FGGY: variants seen among roughly 807,000 people sequenced by gnomAD.
FGGY encodes FGGY carbohydrate kinase domain-containing protein.
FGGY carries 72 observed loss-of-function variants against 71.3 expected under a neutral mutation model. That is an observed-to-expected ratio of 1.01 (90% CI 0.84 to 1.23). The LOEUF is 1.23. Ranked by LOEUF, FGGY falls within the 50% of genes most tolerant of loss-of-function variation. FGGY has a pLI of 0.00. For synonymous variants in FGGY, 251 were observed against 250.3 expected (o/e 1.00, Z -0.02); for missense variants, 668 against 682.3 (o/e 0.98, Z 0.23).
intron 1 of FGGY, among the ~76,000 whole-genome samples, chr1:59,308,545 A>T (rs2043782615): frequency 6.6e-6 from 1 of 152,178 alleles, no homozygotes; most frequent in Admixed American, 6.5e-5. Context: ...AGGTCTTTAT[A>T]CAATACAGTG....
chr1:59,409,940 C>A (rs1480452931), intron 5 of FGGY, among the ~76,000 whole-genome samples: 1 of 152,094 alleles, frequency 6.6e-6, no homozygotes, highest in Non-Finnish European at 1.5e-5. Flanking sequence ...GAAATCCCTG[C>A]AATACAGAGG....
chr1:59,531,703 G>A (rs1028665605), intron 7 of FGGY, among the ~76,000 whole-genome samples: 3 of 152,206 alleles, frequency 2.0e-5, no homozygotes, highest in African/African-American at 7.2e-5. Context: ...GCAGTCTGCA[G>A]GCTGGAAGTA....
chr1:59,342,466 T>C (rs183400344), intron 3 of FGGY, among the ~76,000 whole-genome samples: 16 of 152,306 alleles, frequency 1.1e-4, no homozygotes, highest in East Asian at 1.9e-4. Flanking sequence ...AGGTTATCAC[T>C]CTAATTATAA....
Position 59,746,445 on chromosome 1 carries a change from T to C in FGGY, c.1513-11486T>C, listed in dbSNP as rs1573976358. Among the ~76,000 whole-genome samples the C allele has an allele frequency of 2.0e-5, 3 of 152,320 alleles. No homozygotes were observed. The South Asian group carries it at 6.2e-4, about 32-fold the overall frequency. ...ATAGTAATAATAACAATATCTGCAC[T>C]TTTAAGCATTTAGTCCATCCAATAG... On this transcript the variant is annotated intron_variant, in intron 14 of 15. Coordinates refer to ENST00000303721, the MANE Select transcript of FGGY (RefSeq NM_018291.5).
chr1:59,385,161 A>G (rs2059931588), intron 5 of FGGY, among the ~76,000 whole-genome samples: 1 of 151,136 alleles, frequency 6.6e-6, no homozygotes, highest in Non-Finnish European at 1.5e-5. Context: ...TTCCTTCTCC[A>G]TTTTCCTCTC....
chr1:59,442,416 G>T (rs2070151934), intron 5 of FGGY, among the ~76,000 whole-genome samples: 1 of 151,896 alleles, frequency 6.6e-6, no homozygotes, highest in Non-Finnish European at 1.5e-5. Flanking sequence ...TTTCCTGTTT[G>T]TTTGTTTTTG....
At chr1:59,496,186 A>G (rs1381335609) in intron 6 of FGGY, among the ~76,000 whole-genome samples, 2 of 152,168 alleles carry the variant, frequency 1.3e-5, no homozygotes, top group African/African-American at 4.8e-5. Context: ...TTCTCGTTGT[A>G]GAGATCTTTC....
At chr1:59,324,007 G>A (rs1419241373) in intron 2 of FGGY, among the ~76,000 whole-genome samples, 1 of 152,118 alleles carries the variant, frequency 6.6e-6, no homozygotes, top group Non-Finnish European at 1.5e-5. Context: ...GGCAAAGGGT[G>A]GCATCAGATA....
At chr1:59,374,919 G>C (rs1179887409) in intron 4 of FGGY, among the ~76,000 whole-genome samples, 4 of 109,326 alleles carry the variant, frequency 3.7e-5, no homozygotes, top group Admixed American at 1.0e-4. Context: ...GGGGTGGGGG[G>C]AGGGGGGAGG....
At chr1:59,722,712 C>T (rs2097907587) in intron 14 of FGGY, among the ~76,000 whole-genome samples, 1 of 152,198 alleles carries the variant, frequency 6.6e-6, no homozygotes, top group African/African-American at 2.4e-5. Flanking sequence ...TCTGGCACTA[C>T]AAGGCACTTT....
chr1:59,329,428 C>T (rs958026468), intron 2 of FGGY, among the ~76,000 whole-genome samples: 15 of 152,092 alleles, frequency 9.9e-5, no homozygotes, highest in African/African-American at 2.9e-4. Flanking sequence ...TTGCCACAGA[C>T]GTTCAATTTG....
intron 8 of FGGY, among the ~76,000 whole-genome samples, chr1:59,555,162 C>T (rs1002624036): frequency 6.6e-6 from 1 of 152,198 alleles, no homozygotes; most frequent in African/African-American, 2.4e-5. Context: ...ATAAGAATGA[C>T]ATCGGCTCAG....
intron 8 of FGGY, among the ~76,000 whole-genome samples, chr1:59,596,646 G>A (rs2096527738): frequency 6.6e-6 from 1 of 152,144 alleles, no homozygotes; most frequent in South Asian, 2.1e-4. Context: ...GGAAGAATGT[G>A]TGTGAAACTG....
At chr1:59,588,024 G>A (rs1205168220) in intron 8 of FGGY, among the ~76,000 whole-genome samples, 2 of 152,066 alleles carry the variant, frequency 1.3e-5, no homozygotes, top group African/African-American at 2.4e-5. Context: ...CAAACCAAAG[G>A]CAAAGAAGTT....
At chr1:59,458,339 T>C (rs2091907240) in intron 6 of FGGY, among the ~76,000 whole-genome samples, 1 of 152,220 alleles carries the variant, frequency 6.6e-6, no homozygotes, top group Non-Finnish European at 1.5e-5. Context: ...TTTCCTGTCC[T>C]AGCACAAGGC....
chr1:59,522,716 C>T (rs1398319049), intron 7 of FGGY, among the ~76,000 whole-genome samples: 1 of 152,150 alleles, frequency 6.6e-6, no homozygotes, highest in Admixed American at 6.5e-5. Context: ...TTTTACCTCC[C>T]ACGAATGGTT....
chr1:59,558,250 C>G (rs2095723786), intron 8 of FGGY, among the ~76,000 whole-genome samples: 1 of 152,188 alleles, frequency 6.6e-6, no homozygotes. Context: ...ATCACATGAA[C>G]AATCCATGTG....
chr1:59,296,840 G>T (rs1258195250), upstream of FGGY: 2 of 152,426 alleles, frequency 1.3e-5, no homozygotes, highest in African/African-American at 2.4e-5. Context: ...CTCAGGCGCC[G>T]TGGGGTTCGG....
chr1:59,514,227 C>G (rs2094584857), intron 7 of FGGY, among the ~76,000 whole-genome samples: 1 of 152,168 alleles, frequency 6.6e-6, no homozygotes, highest in Non-Finnish European at 1.5e-5. Context: ...TTTAAATTAT[C>G]CCTGGGGTGA....
Sources: allele counts gnomAD v4.1 joint callset (sites outside exome capture counted in the v4.1 genomes callset), GRCh38; gene constraint gnomAD v4.1.1; transcripts MANE v1.5; gene names NCBI Gene and HGNC (gene_info 2026-07-23, HGNC 2026-07-21).